The following CST5 variants were observed in gnomAD, a reference collection of about 807,000 sequenced individuals.
The protein encoded by CST5 is cystatin D.
In CST5, 13 loss-of-function variants were observed where a neutral mutation model predicts 11.5. That is an observed-to-expected ratio of 1.13 (90% CI 0.73 to 1.79). CST5 has a LOEUF of 1.79. Ranked by LOEUF, CST5 falls within the 40% of genes most tolerant of loss-of-function variation. CST5 has a pLI of 0.00. For missense variants in CST5, 219 were observed against 174.5 expected, an observed-to-expected ratio of 1.25 and a Z score of -1.44; for synonymous variants, 81 against 67.6, an observed-to-expected ratio of 1.20 and a Z score of -0.97.
At chr20:23,876,466 T>C (rs1985963162) in intron 2 of CST5, among the ~76,000 whole-genome samples, 195 bp from the exon 3 acceptor site, 1 of 152,058 alleles carries the variant, frequency 6.6e-6, no homozygotes. Flanking sequence ...CTCCCAAGGC[T>C]CCAAGTCACC....
chr20:23,879,747 G>A lies in CST5; in HGVS notation c.-71C>T, dbSNP rs1181249519. ...AAGCAGCAGAAGGCTGAGGCAGGAA[G>A]CCCAGGCCAGAAGCTAGCTGTGCAT... On this transcript the variant is annotated 5_prime_UTR_variant, in exon 1 of 3. Coordinates refer to ENST00000304710, the MANE Select transcript of CST5 (RefSeq NM_001900.5). 4.8e-6 allele frequency: 7 copies of A among 1,471,472 alleles called. No homozygotes were observed. Among genetic ancestry groups the A allele is most frequent in the African/African-American group, 2.8e-5 (2 of 71,746 alleles). 91.2% of individuals were successfully genotyped at this position (1,471,472 alleles called of 1,614,324 possible).
In CST5 at chr20:23,877,359, G is replaced by A. The variant is rs542320062; in HGVS notation, c.345+146C>T. 19 of 622,514 alleles carry A rather than the reference G, an allele frequency of 3.1e-5. No individual in the cohort carries two copies. In the East Asian group the frequency reaches 4.1e-4, roughly 13 times the overall value. The allele number at this position is 622,514 out of a possible 1,614,324, so 38.6% of individuals were successfully genotyped here. A position where few individuals can be genotyped will look rare whatever the true frequency, so the allele number is the denominator to read the frequency against. ...TGCACATGAATACATCCTTGCATAC[G>A]TGGCCCCACAAATATCTGCACACAT... is the stretch of plus-strand genomic sequence containing the variant. On this transcript the variant is annotated intron_variant, in intron 2 of 2. Coordinates refer to ENST00000304710, the MANE Select transcript of CST5 (RefSeq NM_001900.5).
Position 23,879,588 on chromosome 20 carries a change from A to G in CST5, c.89T>C (p.Leu30Ser). ...AGSASAQSRTLAGGIHATDLN... is the reference protein window; with the variant it reads ...AGSASAQSRTSAGGIHATDLN... ...GTCTGTGGCATGGATGCCACCTGCC[A>G]AGGTCCTAGATTGGGCCGAGGCACT... The change falls in exon 1 of 3, where the codon TTG (leucine) becomes TCG (serine). Residue 30 changes from leucine to serine, a missense_variant. By Grantham distance (145) the Leu-to-Ser change is moderately radical (BLOSUM62 -2). Coordinates refer to ENST00000304710, the MANE Select transcript of CST5 (RefSeq NM_001900.5). The G allele has an allele frequency of 6.2e-7, 1 of 1,614,104 alleles. No homozygotes were observed. The highest frequency in any genetic ancestry group is 1.3e-5 in the African/African-American group (1 of 75,034).
chr20:23,877,325 A>G (rs941507806), intron 2 of CST5, among the ~76,000 whole-genome samples, 180 bp downstream of exon 2: 1 of 152,196 alleles, frequency 6.6e-6, no homozygotes, highest in African/African-American at 2.4e-5. Context: ...ACACACATGC[A>G]TCCTCCCATG....
Position 23,879,480 on chromosome 20 carries a change from CT to C in CST5, c.196del (p.Ser66AlafsTer6), listed in dbSNP as rs767073996. 2 of 1,613,992 alleles carry C rather than the reference CT, an allele frequency of 1.2e-6. No homozygotes were observed. The highest frequency in any genetic ancestry group is 2.7e-5 in the African/African-American group (2 of 74,994). The part of the protein sequence containing the change: ...NKVINKDEYY[S>X]RPLQVMAAYQ... Reference sequence around the variant, plus strand: ...GGCAGCCATCACCTGCAGAGGGCGGCTGTAGTACTCATCCTTATTAATGACC... The same window carrying C: ...GGCAGCCATCACCTGCAGAGGGCGGCGTAGTACTCATCCTTATTAATGACC... On this transcript the variant is annotated frameshift_variant, in exon 1 of 3. Transcript: ENST00000304710. LOFTEE classifies it high-confidence loss of function.
chr20:23,879,402 A>T (rs375668716), intron 1 of CST5, 44 bp downstream of exon 1: 55 of 1,532,422 alleles, frequency 3.6e-5, no homozygotes, highest in Non-Finnish European at 4.9e-5. Flanking sequence ...GAGGCAAAAA[A>T]CCCAGCTGGG....
Position 23,876,077 on chromosome 20 carries a change from G to A in CST5, c.*111C>T. ...CCACCTTCTGTGTCTGTCTCCTGGT[G>A]CAGGCGCATGAGGAGACCTCCCCCA... On this transcript the variant is annotated 3_prime_UTR_variant, in exon 3 of 3. Coordinates refer to ENST00000304710, the MANE Select transcript of CST5 (RefSeq NM_001900.5). 2 of 749,370 alleles carry A rather than the reference G, an allele frequency of 2.7e-6. No homozygotes were observed. Among genetic ancestry groups the A allele is most frequent in the South Asian group, 1.8e-5 (1 of 54,298 alleles). 46.4% of individuals were successfully genotyped at this position (749,370 alleles called of 1,614,324 possible).
At chr20:23,878,274 G>A (rs953965695) in intron 1 of CST5, among the ~76,000 whole-genome samples, 3 of 152,170 alleles carry the variant, frequency 2.0e-5, no homozygotes. Context: ...CTCCATTCCA[G>A]GTGTGATTTT....
At position 23,877,554 on chromosome 20, in the gene CST5, T is replaced by G; in HGVS notation, c.296A>C (p.Gln99Pro). The G allele has an allele frequency of 4.3e-6, 7 of 1,614,078 alleles. No individual in the cohort carries two copies. The highest frequency in any genetic ancestry group is 5.9e-6 in the Non-Finnish European group (7 of 1,179,938). ...KFGRTTCTKS[Q>P]PNLDNCPFND... ...GAAGGGACAGTTGTCCAAGTTGGGCTGGGACTTGGTGCATGTGGTTCGACC... is the reference window on the plus strand; with the variant it reads ...GAAGGGACAGTTGTCCAAGTTGGGCGGGGACTTGGTGCATGTGGTTCGACC... Residue 99 changes from glutamine (Q) to proline (P), a missense_variant, in exon 2 of 3, where the codon CAG becomes CCG. By Grantham distance (76) the Gln-to-Pro change is moderately conservative. Coordinates refer to ENST00000304710, the MANE Select transcript of CST5 (RefSeq NM_001900.5).
In CST5 at chr20:23,879,533, C is replaced by A. The variant is rs771871705; in HGVS notation, c.144G>T (p.Leu48=). 15 of 1,614,018 alleles carry A rather than the reference C, an allele frequency of 9.3e-6. No homozygotes were observed. The highest frequency in any genetic ancestry group is 4.4e-5 in the South Asian group (4 of 91,078). ...DLNDKSVQCA[L]DFAISEYNKV... is the part of the protein sequence containing the mutation. ...TGTTGTACTCGCTGATGGCAAAGTC[C>A]AGGGCACACTGCACACTCTTGTCAT... The change falls in exon 1 of 3, where the codon CTG becomes CTT. Residue 48 remains leucine, a synonymous_variant. Transcript: ENST00000304710.
intron 2 of CST5, among the ~76,000 whole-genome samples, chr20:23,876,713 G>A (rs1424439319): frequency 6.6e-6 from 1 of 152,238 alleles, no homozygotes; most frequent in African/African-American, 2.4e-5. Context: ...GAGATGACAA[G>A]GAGAGTGTGG....
At position 23,879,684 on chromosome 20, in the gene CST5, T is replaced by A. The variant is rs1191567555; in HGVS notation, c.-8A>T. ...GTGCATGGGCCACATCATGTTCTAC[T>A]GGGACACAGAGCAAGGAGCTGGATC... On this transcript the variant is annotated 5_prime_UTR_variant, in exon 1 of 3. Coordinates refer to ENST00000304710, the MANE Select transcript of CST5 (RefSeq NM_001900.5). 3 of 1,610,260 alleles carry A rather than the reference T, an allele frequency of 1.9e-6. No individual in the cohort carries two copies. The highest frequency in any genetic ancestry group is 1.7e-6 in the Non-Finnish European group (2 of 1,177,238).
intron 2 of CST5, among the ~76,000 whole-genome samples, chr20:23,876,719 T>C (rs1985969764): frequency 6.6e-6 from 1 of 152,090 alleles, no homozygotes; most frequent in African/African-American, 2.4e-5. Flanking sequence ...ACAAGGAGAG[T>C]GTGGCTCTGC....
chr20:23,876,978 C>T (rs1382812876), intron 2 of CST5, among the ~76,000 whole-genome samples: 1 of 152,118 alleles, frequency 6.6e-6, no homozygotes, highest in East Asian at 1.9e-4. Context: ...GAGTTGACCT[C>T]CCAGTAACCA....
Position 23,877,625 on chromosome 20 carries a change from G to T in CST5, c.232-7C>A, listed in dbSNP as rs201626784. 3 of 1,604,384 alleles carry T rather than the reference G, an allele frequency of 1.9e-6. No homozygotes were observed. Among genetic ancestry groups the T allele is most frequent in the Non-Finnish European group, 1.7e-6 (2 of 1,172,666 alleles). ...AGTTCACCCCACCCACGATCTACAC[G>T]CGTGGAAGAGCAGGAAGCAGGGGCA... On this transcript the variant is annotated splice_polypyrimidine_tract_variant and splice_region_variant and intron_variant, in intron 1 of 2. Coordinates refer to ENST00000304710, the MANE Select transcript of CST5 (RefSeq NM_001900.5).
At chr20:23,878,553 C>T (rs973643300) in intron 1 of CST5, among the ~76,000 whole-genome samples, 3 of 152,194 alleles carry the variant, frequency 2.0e-5, no homozygotes, top group Non-Finnish European at 4.4e-5. Flanking sequence ...GCCCAACGAT[C>T]TACATCATTC....
chr20:23,876,386 CT>C (rs1260316920), intron 2 of CST5, 115 bp from the exon 3 acceptor site: 2 of 777,122 alleles, frequency 2.6e-6, no homozygotes. Flanking sequence ...ACACTGCCCC[CT>C]GACCCCAACC....
chr20:23,879,306 A>G, intron 1 of CST5, 140 bp downstream of exon 1: 1 of 737,376 alleles, frequency 1.4e-6, no homozygotes, highest in Non-Finnish European at 2.4e-6. Context: ...GTCCTAGGGC[A>G]TGAAGACCAT....
intron 1 of CST5, among the ~76,000 whole-genome samples, chr20:23,879,154 C>A (rs576191327): frequency 6.6e-6 from 1 of 152,228 alleles, no homozygotes; most frequent in South Asian, 2.1e-4. Flanking sequence ...TCAAGCCCAC[C>A]CAGAGTCAGC....
Sources: gnomAD v4.1 joint callset for allele counts (sites outside exome capture counted in the v4.1 genomes callset) on GRCh38, gnomAD v4.1.1 for gene constraint, MANE v1.5 for transcripts, NCBI Gene and HGNC (gene_info 2026-07-23, HGNC 2026-07-21) for gene names.